The following WFS1 variants were observed in gnomAD, a reference collection of about 807,000 sequenced individuals.
The protein encoded by WFS1 is wolframin.
In WFS1, 90 loss-of-function variants were observed where a neutral mutation model predicts 68.5. That is an observed-to-expected ratio of 1.31 (90% CI 1.11 to 1.56). The LOEUF (loss-of-function observed/expected upper bound fraction) is 1.56, where lower values mean the gene tolerates loss of function less well. Among genes scored for constraint, WFS1 ranks in the 40% most tolerant of loss-of-function variants. WFS1 has a pLI of 0.00. For synonymous variants in WFS1, 860 were observed against 540.7 expected (o/e 1.59, Z -8.19); for missense variants, 1,767 against 1,232.6 (o/e 1.43, Z -6.49).
At position 6,283,804 on chromosome 4, in the gene WFS1, C is replaced by T. The variant is rs916527484; in HGVS notation, c.233-3289C>T. The stretch of plus-strand genomic sequence containing the variant: ...ATGAGGACTGAGAGTGGCGGGGTTC[C>T]CCAAAAGGGACATCAAGGTGCAGTC... On this transcript the variant is annotated intron_variant, in intron 2 of 7. Coordinates refer to ENST00000226760, the MANE Select transcript of WFS1 (RefSeq NM_006005.3). This position sits in a 1 kb window ranked among gnomAD's most constrained non-coding sequence, Gnocchi z 5.0. Among the ~76,000 whole-genome samples the T allele has an allele frequency of 6.6e-6, 1 of 151,942 alleles. No homozygotes were observed. The highest frequency in any genetic ancestry group is 1.5e-5 in the Non-Finnish European group (1 of 67,998).
chr4:6,297,462 C>G (rs992803199), intron 7 of WFS1, among the ~76,000 whole-genome samples: 2 of 152,174 alleles, frequency 1.3e-5, no homozygotes, highest in Non-Finnish European at 2.9e-5. Context: ...AAGCTGTCAT[C>G]GTAGATAGAA....
intron 3 of WFS1, chr4:6,288,786 C>G: frequency 1.4e-6 from 1 of 737,188 alleles, no homozygotes; most frequent in Non-Finnish European, 2.3e-6. Flanking sequence ...GCCACACCTT[C>G]CTCACCGTGT....
chr4:6,302,190 A>T lies in WFS1; in HGVS notation c.2395A>T (p.Thr799Ser), dbSNP rs1205228105. 2 of 1,612,332 alleles carry T rather than the reference A, an allele frequency of 1.2e-6. No homozygotes were observed. The highest frequency in any genetic ancestry group is 1.3e-5 in the African/African-American group (1 of 75,050). Reference sequence around the variant, plus strand: ...GCGCAGCCGCGAGGAGGACGACGTCACCAAGGACATCGTGCTGCGGGCCAG... The same window carrying T: ...GCGCAGCCGCGAGGAGGACGACGTCTCCAAGGACATCGTGCTGCGGGCCAG... Reference protein sequence around the residue: ...GSRSREEDDVTKDIVLRASSE... With the variant: ...GSRSREEDDVSKDIVLRASSE... Residue 799 changes from threonine (T) to serine (S), a missense_variant, in exon 8 of 8, where the codon ACC (threonine) becomes TCC (serine). Thr to Ser is a moderately conservative substitution (Grantham distance 58). Coordinates refer to ENST00000226760, the MANE Select transcript of WFS1 (RefSeq NM_006005.3).
intron 2 of WFS1, among the ~76,000 whole-genome samples, chr4:6,279,696 G>A (rs147362069): frequency 2.0e-5 from 3 of 152,200 alleles, no homozygotes; most frequent in Admixed American, 6.5e-5. Context: ...CTCATGTAGC[G>A]CGGGGGACAA....
At chr4:6,272,147 G>T (rs1040836121) in intron 1 of WFS1, among the ~76,000 whole-genome samples, 3 of 152,220 alleles carry the variant, frequency 2.0e-5, no homozygotes, top group Admixed American at 6.5e-5. Flanking sequence ...GTCTTTGTGG[G>T]TGTCTGTTTA....
In WFS1 at chr4:6,301,717, C is replaced by T. The variant is rs376626985; in HGVS notation, c.1922C>T (p.Thr641Met). The change falls in exon 8 of 8, where the codon ACG becomes ATG. Residue 641 changes from threonine (T) to methionine (M), a missense_variant. Coordinates refer to ENST00000226760, the MANE Select transcript of WFS1 (RefSeq NM_006005.3). ...SMVKLILVWL[T>M]AIVLFCWFYV... is the part of the protein sequence containing the mutation. ...GTCAAGCTCATCCTGGTGTGGCTCACGGCCATCGTGCTGTTCTGCTGGTTC... is the reference window on the plus strand; with the variant it reads ...GTCAAGCTCATCCTGGTGTGGCTCATGGCCATCGTGCTGTTCTGCTGGTTC... The T allele has an allele frequency of 1.6e-5, 26 of 1,613,940 alleles. No individual in the cohort carries two copies. Among genetic ancestry groups the T allele is most frequent in the Middle Eastern group, 3.3e-4 (2 of 6,084 alleles).
chr4:6,275,991 G>A (rs1220881155), intron 1 of WFS1, among the ~76,000 whole-genome samples: 2 of 152,214 alleles, frequency 1.3e-5, no homozygotes, highest in Non-Finnish European at 2.9e-5. Context: ...AGAGCGGGAT[G>A]TGGGCTGCTC....
At chr4:6,271,707 T>A (rs1337634475) in intron 1 of WFS1, among the ~76,000 whole-genome samples, 2 of 152,112 alleles carry the variant, frequency 1.3e-5, no homozygotes, top group Non-Finnish European at 2.9e-5. Flanking sequence ...CTGCCCTGGT[T>A]CAGGACCCTC....
chr4:6,297,854 T>C (rs1730679045), intron 7 of WFS1, among the ~76,000 whole-genome samples: 1 of 152,166 alleles, frequency 6.6e-6, no homozygotes, highest in African/African-American at 2.4e-5. Flanking sequence ...TGGGTGTACA[T>C]TGCAGGGAGC....
chr4:6,293,176 G>A (rs906395269), intron 6 of WFS1, among the ~76,000 whole-genome samples: 7 of 151,782 alleles, frequency 4.6e-5, no homozygotes, highest in Non-Finnish European at 8.8e-5. Flanking sequence ...CATCCTGGGG[G>A]GCACTGCAGG....
chr4:6,291,830 AG>A, intron 5 of WFS1, 86 bp from the exon 6 acceptor site: 2 of 1,415,934 alleles, frequency 1.4e-6, no homozygotes, highest in East Asian at 2.5e-5. Flanking sequence ...GGCGTGCCCT[AG>A]GAACAGTGCG....
chr4:6,298,643 G>T (rs753565348), intron 7 of WFS1, among the ~76,000 whole-genome samples: 7 of 151,616 alleles, frequency 4.6e-5, no homozygotes, highest in Non-Finnish European at 1.0e-4. Context: ...AGTCTGTGTA[G>T]ACATGCATGC....
At chr4:6,291,427 A>G in intron 5 of WFS1, 60 bp downstream of exon 5, 2 of 1,593,526 alleles carry the variant, frequency 1.3e-6, no homozygotes, top group South Asian at 2.2e-5. Context: ...CACAGGAGCC[A>G]GGACCTTCCC....
At chr4:6,300,513 G>A in intron 7 of WFS1, 144 bp from the exon 8 acceptor site, 4 of 1,262,800 alleles carry the variant, frequency 3.2e-6, no homozygotes, top group East Asian at 2.5e-5. Flanking sequence ...GGGGAGGGAG[G>A]ACCACTAGGA....
At chr4:6,284,686 C>T (rs1176625029) in intron 2 of WFS1, among the ~76,000 whole-genome samples, 2 of 151,780 alleles carry the variant, frequency 1.3e-5, no homozygotes, top group African/African-American at 4.8e-5. Context: ...TTGTGAACAG[C>T]AACTTTGGAC....
In WFS1 at chr4:6,283,023, C is replaced by A. The variant is rs932705583; in HGVS notation, c.233-4070C>A. 4.6e-5 allele frequency among the ~76,000 whole-genome samples: 7 copies of A among 152,208 alleles called. No homozygotes were observed. The highest frequency in any genetic ancestry group is 1.0e-4 in the Non-Finnish European group (7 of 68,046). On this transcript the variant is annotated intron_variant, in intron 2 of 7. Coordinates refer to ENST00000226760, the MANE Select transcript of WFS1 (RefSeq NM_006005.3). This position sits in a 1 kb window ranked among gnomAD's most constrained non-coding sequence, Gnocchi z 5.0. ...CGGACATAGATGGCATCCACGAAGG[C>A]TGGCGGAGCCTGTGATAGACGATGG...
chr4:6,288,924 G>A, intron 3 of WFS1, 63 bp from the exon 4 acceptor site: 2 of 1,579,902 alleles, frequency 1.3e-6, no homozygotes, highest in South Asian at 1.2e-5. Context: ...AGGTGGGCTG[G>A]CAGGGAGCAT....
intron 7 of WFS1, among the ~76,000 whole-genome samples, chr4:6,295,992 A>C (rs1730629355): frequency 1.3e-5 from 2 of 152,220 alleles, no homozygotes; most frequent in Non-Finnish European, 1.5e-5. Context: ...GGGCCCCAGC[A>C]GATGATTGTC....
At chr4:6,273,308 A>T (rs1043624722) in intron 1 of WFS1, among the ~76,000 whole-genome samples, 28 of 152,234 alleles carry the variant, frequency 1.8e-4, no homozygotes, top group African/African-American at 6.5e-4. Flanking sequence ...CGGGATAAAA[A>T]TATGCCTCAT....
Sources: gnomAD v4.1 joint callset for allele counts (sites outside exome capture counted in the v4.1 genomes callset) on GRCh38, gnomAD v4.1.1 for gene constraint, Gnocchi (gnomAD v3.1) non-coding constraint, MANE v1.5 for transcripts, NCBI Gene and HGNC (gene_info 2026-07-23, HGNC 2026-07-21) for gene names.